Variants in TSPEAR observed in about 807,000 individuals in gnomAD.
The protein encoded by TSPEAR is thrombospondin type laminin G domain and EAR repeats, also known as thrombospondin-type laminin G domain and EAR repeat-containing protein.
In TSPEAR, 69 loss-of-function variants were observed where a neutral mutation model predicts 71.6. That is an observed-to-expected ratio of 0.96 (90% CI 0.79 to 1.18). The LOEUF (loss-of-function observed/expected upper bound fraction) is 1.18. TSPEAR is among the 50% of genes most tolerant of loss of function. The pLI, the probability that TSPEAR is intolerant of heterozygous loss-of-function variation, is 0.00. For missense variants in TSPEAR, 971 were observed against 894.9 expected, an observed-to-expected ratio of 1.09 and a Z score of -1.09; for synonymous variants, 402 against 387.2, an observed-to-expected ratio of 1.04 and a Z score of -0.45.
At chr21:44,571,987 C>T (rs1220308595) in intron 1 of TSPEAR, among the ~76,000 whole-genome samples, 1 of 152,198 alleles carries the variant, frequency 6.6e-6, no homozygotes, top group African/African-American at 2.4e-5. Context: ...AACGCCTGGG[C>T]AGACGCAGGA....
intron 1 of TSPEAR, among the ~76,000 whole-genome samples, chr21:44,613,530 G>T (rs587727549): frequency 1.3e-5 from 2 of 152,302 alleles, no homozygotes; most frequent in South Asian, 4.1e-4. Context: ...CGGGAAGCTG[G>T]CCTGGGTTCC....
intron 1 of TSPEAR, chr21:44,574,928 C>T (rs1319394820): frequency 6.2e-7 from 1 of 1,608,096 alleles, no homozygotes; most frequent in East Asian, 2.2e-5. Flanking sequence ...GCCAACCCAG[C>T]TGCTGCCGCC....
chr21:44,513,144 C>G (rs1412868884), intron 9 of TSPEAR, among the ~76,000 whole-genome samples: 4 of 152,252 alleles, frequency 2.6e-5, no homozygotes, highest in African/African-American at 9.6e-5. Context: ...CGGGGTGTCA[C>G]CGGCTCCTGG....
In TSPEAR at chr21:44,612,275, A is replaced by G; in HGVS notation, c.83-44270T>C. ...CTGCGAGCCCCGCTCCTGTGCCTCC[A>G]GCTGCTGTACCCCTAGCTGCTGTGC... On this transcript the variant is annotated intron_variant, in intron 1 of 11. Coordinates refer to ENST00000323084, the MANE Select transcript of TSPEAR (RefSeq NM_144991.3). The surrounding 1 kb of genome is among the most constrained non-coding windows in gnomAD (Gnocchi z 4.1). 6.2e-7 allele frequency: 1 copy of G among 1,613,532 alleles called. No homozygotes were observed. The highest frequency in any genetic ancestry group is 8.5e-7 in the Non-Finnish European group (1 of 1,179,972).
Position 44,498,685 on chromosome 21 carries a change from T to C in TSPEAR, c.*1098A>G, listed in dbSNP as rs1196485809. The stretch of plus-strand genomic sequence containing the variant: ...TCTGATTGGCGGAAAAAGCACATTG[T>C]AAACTCTCTGAGGATCGCTCCTGTT... On this transcript the variant is annotated 3_prime_UTR_variant, in exon 12 of 12. Coordinates refer to ENST00000323084, the MANE Select transcript of TSPEAR (RefSeq NM_144991.3). 6.6e-6 allele frequency: 1 copy of C among 152,258 alleles called. No homozygotes were observed. The highest frequency in any genetic ancestry group is 1.5e-5 in the Non-Finnish European group (1 of 68,074). 9.4% of individuals were successfully genotyped at this position (152,258 alleles called of 1,614,324 possible).
rs1569210763 is a variant in TSPEAR, at chr21:44,599,171, T to TCTCTCTCTCTCTCTCTCTCTCTCC, written c.83-31167_83-31166insGGAGAGAGAGAGAGAGAGAGAGAG. The stretch of plus-strand genomic sequence containing the variant: ...CTCTCTCTCTCTCTCTCTCTCTCTC[T>TCTCTCTCTCTCTCTCTCTCTCTCC]CCTTCCATCCCATAGGACCAGATCC... On this transcript the variant is annotated intron_variant, in intron 1 of 11. Transcript: ENST00000323084. Among the ~76,000 whole-genome samples, 16 of 125,144 alleles carry TCTCTCTCTCTCTCTCTCTCTCTCC rather than the reference T, an allele frequency of 1.3e-4. No individual in the cohort carries two copies. The East Asian group carries it at 1.3e-3, about 10-fold the overall frequency. The allele number at this position is 125,144 out of a possible 152,430, so 82.1% of individuals were successfully genotyped here.
At chr21:44,634,006 AG>A (rs1983401445) in intron 1 of TSPEAR, among the ~76,000 whole-genome samples, 1 of 152,198 alleles carries the variant, frequency 6.6e-6, no homozygotes, top group African/African-American at 2.4e-5. Flanking sequence ...ACTACTCAGG[AG>A]GTTGAGATGA....
chr21:44,698,544 G>A (rs373650267), intron 1 of TSPEAR, among the ~76,000 whole-genome samples: 7 of 152,148 alleles, frequency 4.6e-5, no homozygotes, highest in East Asian at 1.9e-4. Context: ...AGGTGGCAGC[G>A]GGGTCACTCG....
chr21:44,699,563 G>A lies in TSPEAR; in HGVS notation c.82+11870C>T, dbSNP rs573623974. Among the ~76,000 whole-genome samples, 7 of 152,014 alleles carry A rather than the reference G, an allele frequency of 4.6e-5. No homozygotes were observed. In the East Asian group the frequency reaches 7.7e-4, roughly 17 times the overall value. On this transcript the variant is annotated intron_variant, in intron 1 of 11. Transcript: ENST00000323084. ...CTTCTCTTCCCTCTTCCCACAGCTGGCCAAGAACTGCGGTGCTCAGGTCGC... is the reference window on the plus strand; with the variant it reads ...CTTCTCTTCCCTCTTCCCACAGCTGACCAAGAACTGCGGTGCTCAGGTCGC...
chr21:44,673,736 T>C (rs1555946397), intron 1 of TSPEAR, among the ~76,000 whole-genome samples: 1 of 152,124 alleles, frequency 6.6e-6, no homozygotes, highest in Non-Finnish European at 1.5e-5. Flanking sequence ...CAACTAACTT[T>C]AAAAAATCAA....
intron 1 of TSPEAR, among the ~76,000 whole-genome samples, chr21:44,603,963 G>A (rs1287503220): frequency 6.6e-6 from 1 of 152,232 alleles, no homozygotes; most frequent in Non-Finnish European, 1.5e-5. Flanking sequence ...GGGGCATCAC[G>A]GGGAGACTGC....
intron 3 of TSPEAR, among the ~76,000 whole-genome samples, 164 bp from the exon 4 acceptor site, chr21:44,531,297 C>G (rs2052966102): frequency 6.6e-6 from 1 of 152,170 alleles, no homozygotes; most frequent in Non-Finnish European, 1.5e-5. Flanking sequence ...GCTCTGGAGC[C>G]CAGTAGCCTG....
chr21:44,592,438 C>T (rs781860511), intron 1 of TSPEAR: 7 of 1,610,626 alleles, frequency 4.3e-6, no homozygotes, highest in Non-Finnish European at 5.9e-6. Context: ...GACGCGGCTG[C>T]CGTAGCTCAG....
intron 1 of TSPEAR, chr21:44,627,318 A>C (rs587630278): frequency 3.8e-5 from 62 of 1,612,866 alleles, no homozygotes; most frequent in South Asian, 3.6e-4. Flanking sequence ...TCTGCACCCC[A>C]GTGAGCCGTG....
rs587743149 is a variant in TSPEAR at position 44,635,677 on chromosome 21, T to C, written c.83-67672A>G. Among the ~76,000 whole-genome samples, 116 of 150,946 alleles carry C rather than the reference T, an allele frequency of 7.7e-4. 1 individual carries two copies. Among genetic ancestry groups the C allele is most frequent in the African/African-American group, 2.4e-3 (99 of 40,934 alleles). ...GGGGCTGGGCATGGCTGCTTAATAG[T>C]ACCGGGGTTCCTTCGGGAGCGATGA... On this transcript the variant is annotated intron_variant, in intron 1 of 11. Transcript: ENST00000323084.
At position 44,651,479 on chromosome 21, in the gene TSPEAR, T is replaced by A. The variant is rs140183601; in HGVS notation, c.82+59954A>T. ...AAAATCAAGGCATGGGCAGGGCGGG[T>A]TCCTTCGGGAGGCTGCAGGAGAGAA... On this transcript the variant is annotated intron_variant, in intron 1 of 11. Transcript: ENST00000323084. Among the ~76,000 whole-genome samples the A allele has an allele frequency of 8.9e-3, 1,350 of 152,172 alleles. 15 individuals carry two copies. Among genetic ancestry groups the A allele is most frequent in the Middle Eastern group, 0.041 (12 of 294 alleles).
intron 1 of TSPEAR, among the ~76,000 whole-genome samples, chr21:44,578,750 C>T (rs1289171903): frequency 2.0e-5 from 3 of 152,162 alleles, no homozygotes; most frequent in Non-Finnish European, 4.4e-5. Context: ...ACCACCGCAG[C>T]CCCTGGAAGG....
At chr21:44,622,393 T>C (rs1209623921) in intron 1 of TSPEAR, among the ~76,000 whole-genome samples, 9 of 152,206 alleles carry the variant, frequency 5.9e-5, no homozygotes, top group Admixed American at 5.9e-4. Flanking sequence ...CTGTATTAGT[T>C]CCTTGGGCTG....
chr21:44,512,095 T>C (rs1343656632), intron 9 of TSPEAR, among the ~76,000 whole-genome samples: 8 of 152,136 alleles, frequency 5.3e-5, no homozygotes, highest in Admixed American at 4.6e-4. Flanking sequence ...CAGAAGGAAC[T>C]GCAGGACAGA....
Sources: gnomAD v4.1 joint callset for allele counts (sites outside exome capture counted in the v4.1 genomes callset) on GRCh38, gnomAD v4.1.1 for gene constraint, Gnocchi (gnomAD v3.1) non-coding constraint, MANE v1.5 for transcripts, NCBI Gene and HGNC (gene_info 2026-07-23, HGNC 2026-07-21) for gene names.